The following GNAQ variants were observed in gnomAD, a reference collection of about 807,000 sequenced individuals.
GNAQ encodes the protein G protein subunit alpha q, also known as guanine nucleotide-binding protein G(q) subunit alpha.
GNAQ carries 8 observed loss-of-function variants against 43.9 expected under a neutral mutation model. The ratio of observed to expected loss-of-function variants is 0.18; its 90% CI spans 0.11 to 0.33. The LOEUF is 0.33. Among genes scored for constraint, GNAQ ranks in the 10% least tolerant of loss-of-function variants. The pLI is 1.00. For synonymous variants in GNAQ, 155 were observed against 170.7 expected (o/e 0.91, Z 0.71); for missense variants, 158 against 450.8 (o/e 0.35, Z 5.88).
intron 1 of GNAQ, among the ~76,000 whole-genome samples, chr9:77,989,788 A>T (rs1823486574): frequency 1.3e-5 from 2 of 152,216 alleles, no homozygotes; most frequent in African/African-American, 2.4e-5. Flanking sequence ...GCCTGCTGAA[A>T]CACCGTTTCA....
At chr9:77,939,950 C>A (rs1829291183) in intron 1 of GNAQ, among the ~76,000 whole-genome samples, 1 of 152,130 alleles carries the variant, frequency 6.6e-6, no homozygotes, top group Non-Finnish European at 1.5e-5. Context: ...GATGTCCTGA[C>A]ACTTAATGAT....
At chr9:77,837,781 A>T (rs1364063990) in intron 2 of GNAQ, among the ~76,000 whole-genome samples, 1 of 152,110 alleles carries the variant, frequency 6.6e-6, no homozygotes, top group East Asian at 1.9e-4. Context: ...ATGTGCATAA[A>T]TTCCTAAAAG....
At position 77,922,223 on chromosome 9, in the gene GNAQ, T is replaced by C. The variant is rs778978521; in HGVS notation, c.259A>G (p.Met87Val). Residue 87 changes from methionine (M) to valine (V), a missense_variant, in exon 2 of 7, where the codon ATG (methionine) becomes GTG (valine). This residue lies in a region of GNAQ where 57 missense variants were observed against 78.2 expected (regional missense o/e 0.73). Transcript: ENST00000286548. ...TCCATGGCTCTGATCATGGCCTGCA[T>C]GGCCGTGAAGATGTTCTGATACACC... is the stretch of plus-strand genomic sequence containing the variant. ...KLVYQNIFTAMQAMIRAMDTL... is the reference protein window; with the variant it reads ...KLVYQNIFTAVQAMIRAMDTL... 1.5e-5 allele frequency: 25 copies of C among 1,613,146 alleles called. No individual in the cohort carries two copies. The South Asian group carries it at 2.7e-4, about 18-fold the overall frequency.
Position 78,031,716 on chromosome 9 carries a change from T to C in GNAQ, c.-481A>G, listed in dbSNP as rs1824065354. 6.8e-6 allele frequency among the ~76,000 whole-genome samples: 1 copy of C among 146,770 alleles called. No homozygotes were observed. The highest frequency in any genetic ancestry group is 6.7e-5 in the Admixed American group (1 of 14,850). On this transcript the variant is annotated 5_prime_UTR_variant, in exon 1 of 7. Coordinates refer to ENST00000286548, the MANE Select transcript of GNAQ (RefSeq NM_002072.5). The stretch of plus-strand genomic sequence containing the variant: ...TCCCCGCGCCCGGCGCGCCCGCTCC[T>C]CGCCGCCGCCTGACACGGCTCCCGG...
At chr9:77,938,904 G>A (rs778764592) in intron 1 of GNAQ, among the ~76,000 whole-genome samples, 1 of 152,208 alleles carries the variant, frequency 6.6e-6, no homozygotes, top group African/African-American at 2.4e-5. Flanking sequence ...TCTGGATACT[G>A]GTTGATGGAA....
intron 2 of GNAQ, among the ~76,000 whole-genome samples, chr9:77,916,102 C>G (rs1481623257): frequency 6.6e-6 from 1 of 152,180 alleles, no homozygotes; most frequent in East Asian, 1.9e-4. Context: ...GATGAGTTCT[C>G]TGAGCCTGCC....
At chr9:77,947,768 C>T (rs1822922001) in intron 1 of GNAQ, among the ~76,000 whole-genome samples, 1 of 152,142 alleles carries the variant, frequency 6.6e-6, no homozygotes, top group Non-Finnish European at 1.5e-5. Flanking sequence ...TGGGGTGGAG[C>T]ATGAGATTCT....
intron 2 of GNAQ, among the ~76,000 whole-genome samples, chr9:77,838,874 A>G (rs984284553): frequency 6.6e-5 from 10 of 152,132 alleles, no homozygotes; most frequent in African/African-American, 2.2e-4. Context: ...TTTAGTGGCA[A>G]TTCTGAAGAG....
chr9:78,020,947 T>C (rs1371996170), intron 1 of GNAQ, among the ~76,000 whole-genome samples: 2 of 152,126 alleles, frequency 1.3e-5, no homozygotes, highest in Non-Finnish European at 2.9e-5. Flanking sequence ...GAATTAAGCT[T>C]TTCTTACATT....
chr9:77,797,664 C>A lies in GNAQ; in HGVS notation c.477-16G>T, dbSNP rs1826678957. On this transcript the variant is annotated splice_polypyrimidine_tract_variant and intron_variant, in intron 3 of 6. Transcript: ENST00000286548. Reference sequence around the variant, plus strand: ...ATTAAGATAGCTAGAGGAGGGAAGACACAATGAGAATGTCAGTGACACCAT... The same window carrying A: ...ATTAAGATAGCTAGAGGAGGGAAGAAACAATGAGAATGTCAGTGACACCAT... 1 of 1,610,780 alleles carries A rather than the reference C, an allele frequency of 6.2e-7. No individual in the cohort carries two copies. The highest frequency in any genetic ancestry group is 1.7e-5 in the Admixed American group (1 of 59,664).
chr9:77,954,141 T>C lies in GNAQ; in HGVS notation c.137-31796A>G, dbSNP rs571296814. On this transcript the variant is annotated intron_variant, in intron 1 of 6. Transcript: ENST00000286548. ...AGTCCAATTTCACCCTTTGCACACATTTGATACTGGGAAGTAAGTAATGCC... is the reference window on the plus strand; with the variant it reads ...AGTCCAATTTCACCCTTTGCACACACTTGATACTGGGAAGTAAGTAATGCC... Among the ~76,000 whole-genome samples the C allele has an allele frequency of 9.8e-4, 149 of 152,322 alleles. 1 individual carries two copies. The highest frequency in any genetic ancestry group is 3.3e-3 in the African/African-American group (138 of 41,582).
At chr9:77,998,234 G>A (rs1025496410) in intron 1 of GNAQ, among the ~76,000 whole-genome samples, 1 of 152,208 alleles carries the variant, frequency 6.6e-6, no homozygotes, top group Admixed American at 6.5e-5. Flanking sequence ...ACCCGCAAGA[G>A]CAGACAACAA....
At chr9:77,724,411 G>A (rs1825365717) in intron 6 of GNAQ, among the ~76,000 whole-genome samples, 2 of 152,082 alleles carry the variant, frequency 1.3e-5, no homozygotes, top group South Asian at 4.2e-4. Flanking sequence ...TGACCAGGCT[G>A]GTCTTCAACT....
intron 2 of GNAQ, among the ~76,000 whole-genome samples, chr9:77,903,532 TA>T (rs1481832424): frequency 6.6e-6 from 1 of 152,166 alleles, no homozygotes; most frequent in Non-Finnish European, 1.5e-5. Flanking sequence ...GAGCTCTCAC[TA>T]AATGATAATT....
intron 2 of GNAQ, among the ~76,000 whole-genome samples, chr9:77,897,467 T>C (rs1436791697): frequency 6.6e-6 from 1 of 152,184 alleles, no homozygotes; most frequent in African/African-American, 2.4e-5. Context: ...TTCAATTTAA[T>C]CTCACAGTGA....
chr9:77,793,286 T>C (rs1009983768), intron 5 of GNAQ, among the ~76,000 whole-genome samples: 2 of 152,142 alleles, frequency 1.3e-5, no homozygotes, highest in African/African-American at 4.8e-5. Context: ...CAAGCCTCAT[T>C]CTTAAACAGA....
intron 1 of GNAQ, among the ~76,000 whole-genome samples, chr9:77,982,226 A>T (rs1022050244): frequency 2.6e-5 from 4 of 152,232 alleles, no homozygotes; most frequent in Non-Finnish European, 5.9e-5. Context: ...CTATTCTCAG[A>T]GTTTTATAAA....
rs1475188264 is a variant in GNAQ at position 77,718,326 on chromosome 9, C to T, written c.*2997G>A. The T allele has an allele frequency of 8.6e-6, 2 of 232,380 alleles. No individual in the cohort carries two copies. Among genetic ancestry groups the T allele is most frequent in the African/African-American group, 4.4e-5 (2 of 45,278 alleles). The allele number at this position is 232,380 out of a possible 1,614,324, so 14.4% of individuals were successfully genotyped here. A position where few individuals can be genotyped will look rare whatever the true frequency, so the allele number is the denominator to read the frequency against. On this transcript the variant is annotated 3_prime_UTR_variant, in exon 7 of 7. Transcript: ENST00000286548. The stretch of plus-strand genomic sequence containing the variant: ...AAAACTGAAAAGAATCCCGTCCCGC[C>T]CCTAGCCCCTTCAATAAAACCCCGA...
At chr9:77,937,562 G>A (rs1193724687) in intron 1 of GNAQ, among the ~76,000 whole-genome samples, 1 of 152,132 alleles carries the variant, frequency 6.6e-6, no homozygotes, top group Non-Finnish European at 1.5e-5. Context: ...CTTTTAAGGA[G>A]TTGTCAAATA....
Sources: allele counts gnomAD v4.1 joint callset (sites outside exome capture counted in the v4.1 genomes callset), GRCh38; gene constraint gnomAD v4.1.1; regional missense constraint gnomAD v4.1.1; transcripts MANE v1.5; gene names NCBI Gene and HGNC (gene_info 2026-07-23, HGNC 2026-07-21).